Variants in PEX5L observed in about 807,000 individuals in gnomAD.
PEX5L encodes peroxisomal biogenesis factor 5 like.
In PEX5L, 30 loss-of-function variants were observed where a neutral mutation model predicts 84.0. That is an observed-to-expected ratio of 0.36 (90% CI 0.27 to 0.48). The LOEUF (loss-of-function observed/expected upper bound fraction) is 0.48. PEX5L is among the 20% of genes least tolerant of loss of function. The pLI is 0.99. For synonymous variants in PEX5L, 270 were observed against 283.1 expected (o/e 0.95, Z 0.46); for missense variants, 533 against 754.6 (o/e 0.71, Z 3.44).
chr3:180,010,434 TCTACAATCCAAAGGACA>T lies in PEX5L; in HGVS notation c.21+26128_21+26144del, dbSNP rs1299768788. Among the ~76,000 whole-genome samples, 13 of 151,990 alleles carry T rather than the reference TCTACAATCCAAAGGACA, an allele frequency of 8.6e-5. 1 individual carries two copies. Among genetic ancestry groups the T allele is most frequent in the Middle Eastern group, 3.4e-3 (1 of 294 alleles). On this transcript the variant is annotated intron_variant, in intron 1 of 14. Transcript: ENST00000467460. The stretch of plus-strand genomic sequence containing the variant: ...GGGTAGACAACAGGCATGAAGGCAC[TCTACAATCCAAAGGACA>T]GTCCCCCAAAATAAAGAATTATGTG...
chr3:179,954,681 G>C (rs1363160966), intron 2 of PEX5L, among the ~76,000 whole-genome samples: 3 of 152,172 alleles, frequency 2.0e-5, no homozygotes, highest in African/African-American at 7.2e-5. Context: ...CAGAGGTGGA[G>C]CGCGGGCTTT....
chr3:180,034,424 T>C (rs1791716671), intron 1 of PEX5L, among the ~76,000 whole-genome samples: 1 of 152,180 alleles, frequency 6.6e-6, no homozygotes. Context: ...TAGAGTCAGG[T>C]ACACACAGGA....
intron 8 of PEX5L, among the ~76,000 whole-genome samples, chr3:179,821,286 T>C (rs962186387): frequency 1.3e-5 from 2 of 152,194 alleles, no homozygotes; most frequent in African/African-American, 2.4e-5. Context: ...CACCTGAATC[T>C]GGGACTGAAA....
intron 2 of PEX5L, among the ~76,000 whole-genome samples, chr3:179,932,993 C>G (rs1773522330): frequency 6.6e-6 from 1 of 152,070 alleles, no homozygotes; most frequent in Admixed American, 6.6e-5. Context: ...ATCCTCTGAC[C>G]AACATATCCC....
At chr3:179,856,253 T>C (rs1053148965) in intron 8 of PEX5L, among the ~76,000 whole-genome samples, 3 of 152,258 alleles carry the variant, frequency 2.0e-5, no homozygotes, top group African/African-American at 7.2e-5. Context: ...CTTTAACATG[T>C]TACCTATTAT....
chr3:179,967,545 G>A (rs1783652855), intron 2 of PEX5L, among the ~76,000 whole-genome samples: 2 of 152,128 alleles, frequency 1.3e-5, no homozygotes, highest in African/African-American at 4.8e-5. Flanking sequence ...AGAGGTTCAA[G>A]ATTACCAGAT....
intron 2 of PEX5L, 39 bp from the exon 3 acceptor site, chr3:179,898,285 A>G: frequency 7.5e-7 from 1 of 1,338,156 alleles, no homozygotes; most frequent in Non-Finnish European, 1.1e-6. Context: ...GTCAGGAGAG[A>G]TCTTTAACTT....
At chr3:179,808,723 C>T (rs1345691151) in intron 12 of PEX5L, among the ~76,000 whole-genome samples, 2 of 152,152 alleles carry the variant, frequency 1.3e-5, no homozygotes, top group African/African-American at 4.8e-5. Context: ...AACCCCACAG[C>T]TAAGTTTCCC....
chr3:179,963,475 T>A (rs1782568235), intron 2 of PEX5L, among the ~76,000 whole-genome samples: 2 of 151,960 alleles, frequency 1.3e-5, no homozygotes, highest in South Asian at 4.2e-4. Flanking sequence ...AACAACTAGG[T>A]TAGGTTAATT....
At chr3:179,897,810 T>C (rs992056442) in intron 3 of PEX5L, among the ~76,000 whole-genome samples, 4 of 152,136 alleles carry the variant, frequency 2.6e-5, no homozygotes, top group African/African-American at 9.6e-5. Context: ...TCAAATGTAC[T>C]GTTAGCTTAA....
chr3:179,900,410 CA>C (rs1312133633), intron 2 of PEX5L, among the ~76,000 whole-genome samples: 1 of 151,992 alleles, frequency 6.6e-6, no homozygotes, highest in East Asian at 1.9e-4. Context: ...ATAAGCATCT[CA>C]AAAAATTTCA....
chr3:179,862,107 T>C (rs1746397269), intron 7 of PEX5L, among the ~76,000 whole-genome samples: 1 of 152,294 alleles, frequency 6.6e-6, no homozygotes, highest in Non-Finnish European at 1.5e-5. Context: ...GCACCACGCC[T>C]CTCCTAGTTC....
chr3:180,020,942 T>A (rs764110030), intron 1 of PEX5L, among the ~76,000 whole-genome samples: 36 of 152,124 alleles, frequency 2.4e-4, no homozygotes, highest in Non-Finnish European at 4.7e-4. Context: ...CCACCATGAC[T>A]AGGCTCTGTG....
chr3:179,831,232 T>C (rs1272090926), intron 8 of PEX5L, among the ~76,000 whole-genome samples: 1 of 151,468 alleles, frequency 6.6e-6, no homozygotes, highest in Non-Finnish European at 1.5e-5. Context: ...GAGAATTGCT[T>C]GAACCCAGGA....
chr3:179,945,670 G>A (rs955856772), intron 2 of PEX5L, among the ~76,000 whole-genome samples: 7 of 152,260 alleles, frequency 4.6e-5, no homozygotes, highest in African/African-American at 7.2e-5. Context: ...TGTACCTTCC[G>A]TCCATGGGAA....
At chr3:179,902,545 C>CAT in intron 2 of PEX5L, 1 of 307,378 alleles carries the variant, frequency 3.3e-6, no homozygotes, top group Non-Finnish European at 6.5e-6. Flanking sequence ...CTAAGTATTT[C>CAT]ATATATATAC....
intron 3 of PEX5L, chr3:179,895,980 C>G (rs1478236610): frequency 1.3e-5 from 2 of 152,072 alleles, no homozygotes; most frequent in Admixed American, 6.6e-5. Flanking sequence ...AGGGGCTTTA[C>G]AGGAGACACT....
At chr3:179,850,018 G>A (rs2108440269) in intron 8 of PEX5L, among the ~76,000 whole-genome samples, 1 of 152,164 alleles carries the variant, frequency 6.6e-6, no homozygotes, top group African/African-American at 2.4e-5. Context: ...GAAATGATAT[G>A]GCAACTACCC....
intron 2 of PEX5L, among the ~76,000 whole-genome samples, chr3:179,931,863 T>C (rs1215964310): frequency 6.6e-6 from 1 of 152,198 alleles, no homozygotes; most frequent in Non-Finnish European, 1.5e-5. Flanking sequence ...GTCTATCAGA[T>C]TGGCAAAGAT....
Sources: gnomAD v4.1 joint callset for allele counts (sites outside exome capture counted in the v4.1 genomes callset) on GRCh38, gnomAD v4.1.1 for gene constraint, MANE v1.5 for transcripts, NCBI Gene and HGNC (gene_info 2026-07-23, HGNC 2026-07-21) for gene names.